Variants in GGT7 observed in about 807,000 individuals in gnomAD.
GGT7 encodes glutathione hydrolase 7.
Under a neutral mutation model 69.2 loss-of-function variants are expected in GGT7, and 30 were observed. That is an observed-to-expected ratio of 0.43 (90% CI 0.32 to 0.59). GGT7 has a LOEUF of 0.59. Ranked by LOEUF, GGT7 falls within the 20% of genes least tolerant of loss-of-function variation. The probability of loss-of-function intolerance (pLI) is 0.05; values close to 1 mark genes in which losing one functional copy is unlikely to be tolerated. For synonymous variants in GGT7, 388 were observed against 391.8 expected (o/e 0.99, Z 0.12); for missense variants, 733 against 901.1 (o/e 0.81, Z 2.39).
rs1413465519 is a variant in GGT7 at position 34,854,823 on chromosome 20, T to C, written c.1203A>G (p.Arg401=). The change falls in exon 9 of 15, where the codon CGA becomes CGG. Residue 401 remains arginine (R), a synonymous_variant. Transcript: ENST00000336431. Reference sequence around the variant, plus strand: ...CTGCCACCCAGTGAAGAGCCTGTTCTCGGGATACCAGGCTGGTGAGATTGA... The same window carrying C: ...CTGCCACCCAGTGAAGAGCCTGTTCCCGGGATACCAGGCTGGTGAGATTGA... ...EGFNLTSLVS[R]EQALHWVAET... 2 of 1,614,190 alleles carry C rather than the reference T, an allele frequency of 1.2e-6. No homozygotes were observed. The highest frequency in any genetic ancestry group is 3.3e-5 in the Admixed American group (2 of 60,030).
At chr20:34,853,561 CAA>C (rs200997506) in intron 10 of GGT7, among the ~76,000 whole-genome samples, 44,162 of 112,106 alleles carry the variant, frequency 0.39, 7,027 homozygotes, top group Middle Eastern at 0.52. Flanking sequence ...GACTCCATCT[CAA>C]AAAAAAAAAA....
intron 7 of GGT7, among the ~76,000 whole-genome samples, chr20:34,858,969 G>A (rs774163359): frequency 1.1e-4 from 17 of 152,172 alleles, no homozygotes; most frequent in Non-Finnish European, 1.8e-4. Context: ...TCAGGAGTTC[G>A]AGACCAGCCT....
At chr20:34,851,765 T>A (rs2079397983) in intron 12 of GGT7, among the ~76,000 whole-genome samples, 1 of 152,174 alleles carries the variant, frequency 6.6e-6, no homozygotes, top group Admixed American at 6.5e-5. Context: ...ATTAAATCCT[T>A]CCTCCTTGGG....
intron 14 of GGT7, among the ~76,000 whole-genome samples, chr20:34,846,325 C>T (rs1234398573): frequency 1.0e-4 from 7 of 66,710 alleles, no homozygotes; most frequent in African/African-American, 3.6e-4. Context: ...TTTTTTGAGG[C>T]GGAGTCTCAC....
intron 3 of GGT7, 38 bp from the exon 4 acceptor site, chr20:34,861,600 T>A: frequency 8.1e-7 from 1 of 1,232,158 alleles, no homozygotes; most frequent in African/African-American, 1.5e-5. Context: ...GATGATAACA[T>A]GCTACCCCTC....
intron 4 of GGT7, among the ~76,000 whole-genome samples, 195 bp from the exon 5 acceptor site, chr20:34,860,516 G>T (rs528146669): frequency 1.1e-4 from 16 of 152,162 alleles, no homozygotes; most frequent in Admixed American, 3.9e-4. Flanking sequence ...AGCAAATGCA[G>T]AAAGGCCTCT....
At chr20:34,855,055 A>C (rs556523400) in intron 8 of GGT7, 132 bp from the exon 9 acceptor site, 3 of 811,602 alleles carry the variant, frequency 3.7e-6, no homozygotes, top group Non-Finnish European at 5.8e-6. Flanking sequence ...GGGGAAACTG[A>C]AACATTGAGA....
At chr20:34,870,766 C>T (rs1195603958) in intron 1 of GGT7, among the ~76,000 whole-genome samples, 2 of 149,920 alleles carry the variant, frequency 1.3e-5, no homozygotes, top group East Asian at 2.0e-4. Context: ...GCCACCACAC[C>T]GGCCAGTGTA....
rs1568930791 is a variant in GGT7, at chr20:34,852,301, C to T, written c.1470-29G>A. On this transcript the variant is annotated intron_variant, in intron 11 of 14. Transcript: ENST00000336431. ...GGGGCCGAGGTGGGGTTGGGTGAGC[C>T]CTGGCCCATCCTCACCTCTACCCAG... 3 of 1,602,096 alleles carry T rather than the reference C, an allele frequency of 1.9e-6. No homozygotes were observed. In the Admixed American group the frequency reaches 5.0e-5, roughly 27 times the overall value.
chr20:34,853,556 C>T (rs1265718529), intron 10 of GGT7, among the ~76,000 whole-genome samples: 4 of 121,352 alleles, frequency 3.3e-5, no homozygotes, highest in Admixed American at 8.2e-5. Context: ...AGCGAGACTC[C>T]ATCTCAAAAA....
At chr20:34,851,140 T>C in intron 13 of GGT7, 91 bp downstream of exon 13, 2 of 1,517,322 alleles carry the variant, frequency 1.3e-6, no homozygotes, top group South Asian at 1.1e-5. Context: ...GCATGAGGAA[T>C]GGAAACAAGC....
chr20:34,845,186 C>A lies in GGT7; in HGVS notation c.*142G>T. On this transcript the variant is annotated 3_prime_UTR_variant, in exon 15 of 15. Transcript: ENST00000336431. ...CCTGATGGAGAATTTTCCAGTTACT[C>A]TGGGATTGGGTTTGCTAAGCATCCC... The A allele has an allele frequency of 2.0e-6, 1 of 495,308 alleles. No homozygotes were observed. The highest frequency in any genetic ancestry group is 3.4e-6 in the Non-Finnish European group (1 of 297,098). The allele number at this position is 495,308 out of a possible 1,614,324, so 30.7% of individuals were successfully genotyped here.
chr20:34,872,855 G>T lies in GGT7; in HGVS notation c.-40C>A. The T allele has an allele frequency of 7.6e-7, 1 of 1,318,386 alleles. No homozygotes were observed. The highest frequency in any genetic ancestry group is 9.7e-7 in the Non-Finnish European group (1 of 1,026,682). 81.7% of individuals were successfully genotyped at this position (1,318,386 alleles called of 1,614,324 possible). A position where few individuals can be genotyped will look rare whatever the true frequency, so the allele number is the denominator to read the frequency against. The stretch of plus-strand genomic sequence containing the variant: ...CCCAGCAGCGCAGCGCCTGCCGGAA[G>T]TGGCTGCGGCGGGGGAGTGGGAGGG... On this transcript the variant is annotated 5_prime_UTR_variant, in exon 1 of 15. Coordinates refer to ENST00000336431, the MANE Select transcript of GGT7 (RefSeq NM_178026.3).
At chr20:34,852,312 C>T (rs771222124) in intron 11 of GGT7, 40 bp from the exon 12 acceptor site, 6 of 1,604,400 alleles carry the variant, frequency 3.7e-6, no homozygotes, top group Non-Finnish European at 5.1e-6. Context: ...CTGGCCCATC[C>T]TCACCTCTAC....
chr20:34,862,933 A>T lies in GGT7; in HGVS notation c.438T>A (p.Ala146=). 6.2e-7 allele frequency: 1 copy of T among 1,613,940 alleles called. No individual in the cohort carries two copies. Among genetic ancestry groups the T allele is most frequent in the Non-Finnish European group, 8.5e-7 (1 of 1,179,936 alleles). The change falls in exon 3 of 15, where the codon GCT becomes GCA. Residue 146 remains alanine (A), a synonymous_variant. Coordinates refer to ENST00000336431, the MANE Select transcript of GGT7 (RefSeq NM_178026.3). ...IFQQGAVVTD[A]ARCTSLGIEV... ...CGATGCCCAGTGAAGTGCAGCGGGCAGCATCGGTCACCACGGCACCCTGCT... is the reference window on the plus strand; with the variant it reads ...CGATGCCCAGTGAAGTGCAGCGGGCTGCATCGGTCACCACGGCACCCTGCT...
At chr20:34,849,832 T>C in intron 14 of GGT7, 129 bp downstream of exon 14, 2 of 587,084 alleles carry the variant, frequency 3.4e-6, no homozygotes, top group South Asian at 4.3e-5. Context: ...ACTGCTCCAA[T>C]AGAAATTTGC....
At chr20:34,861,732 G>A (rs935860925) in intron 3 of GGT7, among the ~76,000 whole-genome samples, 170 bp from the exon 4 acceptor site, 1 of 152,156 alleles carries the variant, frequency 6.6e-6, no homozygotes, top group Non-Finnish European at 1.5e-5. Flanking sequence ...GCCACCCTAA[G>A]AGGATGGGAG....
chr20:34,846,319 T>TTTTC (rs2079307022), intron 14 of GGT7, among the ~76,000 whole-genome samples: 1 of 151,264 alleles, frequency 6.6e-6, no homozygotes, highest in Non-Finnish European at 1.5e-5. Flanking sequence ...TTTCTTTTTT[T>TTTTC]TGAGGCGGAG....
chr20:34,859,504 C>T lies in GGT7; in HGVS notation c.953G>A (p.Gly318Asp), dbSNP rs1286785085. ...PDLAEVLDVL[G>D]TSGPAAFYAG... ...GTAGAAGGCAGCCGGGCCGGAGGTG[C>T]CAAGTACATCCAGCACCTCAGCCAG... The change falls in exon 7 of 15, where the codon GGC becomes GAC. Residue 318 changes from glycine (G) to aspartate (D), a missense_variant. Physicochemically the swap from Gly to Asp is moderately conservative, Grantham distance 94. Coordinates refer to ENST00000336431, the MANE Select transcript of GGT7 (RefSeq NM_178026.3). 2 of 1,610,656 alleles carry T rather than the reference C, an allele frequency of 1.2e-6. No homozygotes were observed.
Sources: allele counts gnomAD v4.1 joint callset (sites outside exome capture counted in the v4.1 genomes callset), GRCh38; gene constraint gnomAD v4.1.1; transcripts MANE v1.5; gene names NCBI Gene and HGNC (gene_info 2026-07-23, HGNC 2026-07-21).